Variants in ITGBL1 observed in about 807,000 individuals in gnomAD.
ITGBL1 encodes the protein integrin beta-like protein 1.
In ITGBL1, 51 loss-of-function variants were observed where a neutral mutation model predicts 68.5. The ratio of observed to expected loss-of-function variants is 0.74; its 90% CI spans 0.59 to 0.94. The LOEUF (loss-of-function observed/expected upper bound fraction) is 0.94. Among genes scored for constraint, ITGBL1 ranks in the 40% least tolerant of loss-of-function variants. The pLI is 0.00. For synonymous variants in ITGBL1, 209 were observed against 227.3 expected, an observed-to-expected ratio of 0.92 and a Z score of 0.72; for missense variants, 649 against 647.4, an observed-to-expected ratio of 1.00 and a Z score of -0.03.
rs538699310 is a variant in ITGBL1 at position 101,583,052 on chromosome 13, A to G, written c.728-164A>G. Reference sequence around the variant, plus strand: ...AACTTTTGTTTATTAAGGAATCTCTATTATCAATATTAGATGGTGTTTTTC... The same window carrying G: ...AACTTTTGTTTATTAAGGAATCTCTGTTATCAATATTAGATGGTGTTTTTC... On this transcript the variant is annotated intron_variant, in intron 5 of 10. Transcript: ENST00000376180. 3.3e-5 allele frequency among the ~76,000 whole-genome samples: 5 copies of G among 152,350 alleles called. 1 individual carries two copies. In the East Asian group the frequency reaches 9.6e-4, roughly 29 times the overall value.
chr13:101,455,988 AGGCT>A (rs1397693006), intron 2 of ITGBL1, among the ~76,000 whole-genome samples: 1 of 152,172 alleles, frequency 6.6e-6, no homozygotes, highest in Non-Finnish European at 1.5e-5. Context: ...TGAAGAACCT[AGGCT>A]GGTGCTTTTC....
chr13:101,466,016 C>T (rs1004441173), intron 2 of ITGBL1, among the ~76,000 whole-genome samples: 17 of 152,050 alleles, frequency 1.1e-4, no homozygotes, highest in African/African-American at 3.1e-4. Flanking sequence ...AAAATGAAGA[C>T]GTGGAGTCAG....
In ITGBL1 at chr13:101,586,065, C is replaced by T. The variant is rs141423913; in HGVS notation, c.868+2709C>T. On this transcript the variant is annotated intron_variant, in intron 6 of 10. Transcript: ENST00000376180. ...ACTGACACTTCAATCCTCGTGTAAGCTTGTGTGCAATTCCCGCAGCGTGTC... is the reference window on the plus strand; with the variant it reads ...ACTGACACTTCAATCCTCGTGTAAGTTTGTGTGCAATTCCCGCAGCGTGTC... Among the ~76,000 whole-genome samples, 77 of 152,242 alleles carry T rather than the reference C, an allele frequency of 5.1e-4. 1 individual carries two copies. The East Asian group carries it at 0.014, about 28-fold the overall frequency.
rs879839773 is a variant in ITGBL1, at chr13:101,495,582, C to CT, written c.316+41493dup. 2.7e-3 allele frequency among the ~76,000 whole-genome samples: 398 copies of CT among 145,932 alleles called. 1 individual carries two copies. The highest frequency in any genetic ancestry group is 7.5e-3 in the African/African-American group (300 of 40,024). On this transcript the variant is annotated intron_variant, in intron 2 of 10. Coordinates refer to ENST00000376180, the MANE Select transcript of ITGBL1 (RefSeq NM_004791.3). ...TGTAGGAATCTTCTGGGTCCCCACACTTTTTTTTTTTGTACAAAGAGGTAA... is the reference window on the plus strand; with the variant it reads ...TGTAGGAATCTTCTGGGTCCCCACACTTTTTTTTTTTTGTACAAAGAGGTAA...
rs891625296 is a variant in ITGBL1, at chr13:101,482,046, C to T, written c.316+27946C>T. Reference sequence around the variant, plus strand: ...ACAGTCTGAAGGTAGAAAGTGGGGGCCAAAGAAGACATCAACTCCCAAAGA... The same window carrying T: ...ACAGTCTGAAGGTAGAAAGTGGGGGTCAAAGAAGACATCAACTCCCAAAGA... On this transcript the variant is annotated intron_variant, in intron 2 of 10. Transcript: ENST00000376180. 2.6e-5 allele frequency among the ~76,000 whole-genome samples: 4 copies of T among 151,874 alleles called. No homozygotes were observed. The South Asian group carries it at 8.3e-4, about 32-fold the overall frequency.
At chr13:101,514,368 C>T (rs2049162808) in intron 2 of ITGBL1, among the ~76,000 whole-genome samples, 1 of 151,956 alleles carries the variant, frequency 6.6e-6, no homozygotes, top group Non-Finnish European at 1.5e-5. Context: ...TAATTATCTC[C>T]CTTGGAAAAA....
chr13:101,512,212 C>G (rs1203049673), intron 2 of ITGBL1, among the ~76,000 whole-genome samples: 2 of 151,996 alleles, frequency 1.3e-5, no homozygotes, highest in Non-Finnish European at 2.9e-5. Context: ...TCTTCTTCTG[C>G]ATGTTATTTC....
At chr13:101,649,709 A>G (rs2032680789) in intron 7 of ITGBL1, among the ~76,000 whole-genome samples, 1 of 152,124 alleles carries the variant, frequency 6.6e-6, no homozygotes, top group South Asian at 2.1e-4. Context: ...CCAGCCTATT[A>G]CTCATCTTGT....
chr13:101,545,793 A>T lies in ITGBL1; in HGVS notation c.317-21906A>T, dbSNP rs76926096. 6.1e-3 allele frequency among the ~76,000 whole-genome samples: 928 copies of T among 152,236 alleles called. 12 individuals are homozygous for T. Among genetic ancestry groups the T allele is most frequent in the African/African-American group, 0.021 (868 of 41,544 alleles). On this transcript the variant is annotated intron_variant, in intron 2 of 10. Transcript: ENST00000376180. ...GGACCAGCCTATGATTCAACAACTAAAGGGAGAAGGCAGAGCAAAGCAGCA... is the reference window on the plus strand; with the variant it reads ...GGACCAGCCTATGATTCAACAACTATAGGGAGAAGGCAGAGCAAAGCAGCA...
intron 9 of ITGBL1, chr13:101,713,881 C>T (rs922336924): frequency 6.6e-6 from 1 of 152,214 alleles, no homozygotes; most frequent in African/African-American, 2.4e-5. Flanking sequence ...GGATGAGTCT[C>T]ACAAGGCAAA....
intron 7 of ITGBL1, among the ~76,000 whole-genome samples, chr13:101,635,477 A>G (rs2032141316): frequency 6.6e-6 from 1 of 152,086 alleles, no homozygotes; most frequent in African/African-American, 2.4e-5. Context: ...CATGCCATGT[A>G]GTTGTGTGAG....
chr13:101,486,027 C>A (rs768738161), intron 2 of ITGBL1, among the ~76,000 whole-genome samples: 1 of 151,916 alleles, frequency 6.6e-6, no homozygotes, highest in South Asian at 2.1e-4. Context: ...AATCATTAGA[C>A]GAAAAAGATA....
chr13:101,680,918 TAAAC>T (rs1486224052), intron 7 of ITGBL1, among the ~76,000 whole-genome samples: 1 of 152,186 alleles, frequency 6.6e-6, no homozygotes, highest in Non-Finnish European at 1.5e-5. Context: ...TTTAGACACT[TAAAC>T]AAACACATTA....
At chr13:101,704,729 G>A (rs1392621708) in intron 8 of ITGBL1, among the ~76,000 whole-genome samples, 2 of 152,206 alleles carry the variant, frequency 1.3e-5, no homozygotes, top group African/African-American at 4.8e-5. Flanking sequence ...GAAGAGTGTA[G>A]ACATTGGAAT....
At chr13:101,659,223 C>T (rs930707275) in intron 7 of ITGBL1, among the ~76,000 whole-genome samples, 5 of 151,638 alleles carry the variant, frequency 3.3e-5, no homozygotes, top group Admixed American at 6.6e-5. Context: ...GCAGAAAATT[C>T]CTTATTAAAC....
intron 6 of ITGBL1, among the ~76,000 whole-genome samples, chr13:101,590,630 T>A (rs1566745335): frequency 6.6e-6 from 1 of 152,204 alleles, no homozygotes; most frequent in South Asian, 2.1e-4. Context: ...AGCAATGTTA[T>A]TGTTCCAGTG....
chr13:101,546,277 T>C (rs1173188429), intron 2 of ITGBL1, among the ~76,000 whole-genome samples: 1 of 152,212 alleles, frequency 6.6e-6, no homozygotes, highest in Non-Finnish European at 1.5e-5. Flanking sequence ...CTCATGATTT[T>C]GGTTTTCATT....
At position 101,607,018 on chromosome 13, in the gene ITGBL1, T is replaced by G. The variant is rs144508702; in HGVS notation, c.1015+8719T>G. 5.2e-3 allele frequency among the ~76,000 whole-genome samples: 790 copies of G among 152,126 alleles called. 3 individuals are homozygous for G. Among genetic ancestry groups the G allele is most frequent in the Non-Finnish European group, 7.9e-3 (534 of 67,954 alleles). On this transcript the variant is annotated intron_variant, in intron 7 of 10. Transcript: ENST00000376180. ...ATTTATATTCTTGTAGCAGGATTCA[T>G]GTACAAATCTCTTAGTATTGATTCT...
chr13:101,656,245 A>G (rs1455145584), intron 7 of ITGBL1, among the ~76,000 whole-genome samples: 1 of 152,184 alleles, frequency 6.6e-6, no homozygotes, highest in Non-Finnish European at 1.5e-5. Flanking sequence ...AAGGTTTCCC[A>G]TTCAGATCTT....
Sources: gnomAD v4.1 joint callset for allele counts (sites outside exome capture counted in the v4.1 genomes callset) on GRCh38, gnomAD v4.1.1 for gene constraint, MANE v1.5 for transcripts, NCBI Gene and HGNC (gene_info 2026-07-23, HGNC 2026-07-21) for gene names.